The following H2BC21 variants were observed in gnomAD, a reference collection of about 807,000 sequenced individuals.
H2BC21 encodes the protein H2B clustered histone 21, also known as histone H2B type 2-E.
In H2BC21, 2 loss-of-function variants were observed where a neutral mutation model predicts 6.2. The observed-to-expected ratio is 0.32, with a 90% confidence interval of 0.13 to 1.02. The LOEUF is 1.02. H2BC21 is among the 50% of genes least tolerant of loss of function. The probability of loss-of-function intolerance (pLI) is 0.47; values close to 1 mark genes in which losing one functional copy is unlikely to be tolerated. For synonymous variants in H2BC21, 109 were observed against 75.2 expected, an observed-to-expected ratio of 1.45 and a Z score of -2.33; for missense variants, 98 against 172.2, an observed-to-expected ratio of 0.57 and a Z score of 2.41.
Position 149,886,660 on chromosome 1 carries a change from G to C in H2BC21, c.-20C>G. On this transcript the variant is annotated 5_prime_UTR_variant, in exon 1 of 1. Transcript: ENST00000369155. ...AGGCATGGTAAGACACAGTACAAAC[G>C]CGGCTTAGCCAAGAAAAGAAGTAAG... 6.2e-7 allele frequency: 1 copy of C among 1,600,054 alleles called. No individual in the cohort carries two copies. Among genetic ancestry groups the C allele is most frequent in the South Asian group, 1.1e-5 (1 of 89,240 alleles).
At position 149,886,403 on chromosome 1, in the gene H2BC21, G is replaced by A. The variant is rs1280953823; in HGVS notation, c.238C>T (p.Arg80Cys). The stretch of plus-strand genomic sequence containing the variant: ...GAGCGCTTGTTGTAGTGCGCCAGGC[G>A]GGAAGCCTCTCCCGCGATGCGCTCG... Reference protein sequence around the residue: ...IFERIAGEASRLAHYNKRSTI... With the variant: ...IFERIAGEASCLAHYNKRSTI... Residue 80 changes from arginine (R) to cysteine (C), a missense_variant, in exon 1 of 1, where the codon CGC becomes TGC. Transcript: ENST00000369155. 2 of 1,614,116 alleles carry A rather than the reference G, an allele frequency of 1.2e-6. No homozygotes were observed. Among genetic ancestry groups the A allele is most frequent in the African/African-American group, 2.7e-5 (2 of 74,952 alleles).
At position 149,886,678 on chromosome 1, in the gene H2BC21, G is replaced by C. The variant is rs370873522; in HGVS notation, c.-38C>G. The stretch of plus-strand genomic sequence containing the variant: ...TACAAACGCGGCTTAGCCAAGAAAA[G>C]AAGTAAGAGAATGGGCGGGCCTGAT... On this transcript the variant is annotated 5_prime_UTR_variant, in exon 1 of 1. Coordinates refer to ENST00000369155, the MANE Select transcript of H2BC21 (RefSeq NM_003528.3). 12 of 1,585,844 alleles carry C rather than the reference G, an allele frequency of 7.6e-6. No homozygotes were observed. The South Asian group carries it at 1.4e-4, about 18-fold the overall frequency.
In H2BC21 at chr1:149,886,649, A is replaced by T; in HGVS notation, c.-9T>A. 1 of 1,611,926 alleles carries T rather than the reference A, an allele frequency of 6.2e-7. No homozygotes were observed. Among genetic ancestry groups the T allele is most frequent in the Non-Finnish European group, 8.5e-7 (1 of 1,179,236 alleles). On this transcript the variant is annotated 5_prime_UTR_variant, in exon 1 of 1. Transcript: ENST00000369155. ...TTTGCCGGTTCAGGCATGGTAAGACACAGTACAAACGCGGCTTAGCCAAGA... is the reference window on the plus strand; with the variant it reads ...TTTGCCGGTTCAGGCATGGTAAGACTCAGTACAAACGCGGCTTAGCCAAGA...
Position 149,886,657 on chromosome 1 carries a change from A to T in H2BC21, c.-17T>A. The stretch of plus-strand genomic sequence containing the variant: ...TTCAGGCATGGTAAGACACAGTACA[A>T]ACGCGGCTTAGCCAAGAAAAGAAGT... On this transcript the variant is annotated 5_prime_UTR_variant, in exon 1 of 1. In the 5' UTR this introduces an upstream ATG that the reference lacks. Transcript: ENST00000369155. 4.4e-6 allele frequency: 7 copies of T among 1,601,996 alleles called. No homozygotes were observed. Among genetic ancestry groups the T allele is most frequent in the Non-Finnish European group, 6.0e-6 (7 of 1,175,278 alleles).
rs1553759795 is a variant in H2BC21 at position 149,886,666 on chromosome 1, T to G, written c.-26A>C. 2 of 1,594,764 alleles carry G rather than the reference T, an allele frequency of 1.3e-6. No individual in the cohort carries two copies. Among genetic ancestry groups the G allele is most frequent in the Middle Eastern group, 1.7e-4 (1 of 5,964 alleles). ...GGTAAGACACAGTACAAACGCGGCT[T>G]AGCCAAGAAAAGAAGTAAGAGAATG... On this transcript the variant is annotated 5_prime_UTR_variant, in exon 1 of 1. Transcript: ENST00000369155.
rs1553759732 is a variant in H2BC21, at chr1:149,886,453, A to G, written c.188T>C (p.Met63Thr). Residue 63 changes from methionine (M) to threonine (T), a missense_variant, in exon 1 of 1, where the codon ATG becomes ACG. Coordinates refer to ENST00000369155, the MANE Select transcript of H2BC21 (RefSeq NM_003528.3). The part of the protein sequence containing the change: ...TGISSKAMGI[M>T]NSFVNDIFER... ...GAAGATGTCGTTGACGAAGGAGTTC[A>G]TGATGCCCATGGCCTTGGACGAGAT... 1 of 1,614,144 alleles carries G rather than the reference A, an allele frequency of 6.2e-7. No homozygotes were observed. Among genetic ancestry groups the G allele is most frequent in the African/African-American group, 1.3e-5 (1 of 74,958 alleles).
At position 149,886,178 on chromosome 1, in the gene H2BC21, T is replaced by C. The variant is rs2092296902; in HGVS notation, c.*82A>G. On this transcript the variant is annotated 3_prime_UTR_variant, in exon 1 of 1. Coordinates refer to ENST00000369155, the MANE Select transcript of H2BC21 (RefSeq NM_003528.3). ...AAGTGAACAAGCTCTTTTCTAGTGA[T>C]TAGGTGGGTGGCTCTGAAAAGAGCC... The C allele has an allele frequency of 1.3e-6, 2 of 1,599,742 alleles. No individual in the cohort carries two copies. Among genetic ancestry groups the C allele is most frequent in the Admixed American group, 3.4e-5 (2 of 58,654 alleles).
In H2BC21 at chr1:149,886,195, A is replaced by G; in HGVS notation, c.*65T>C. 1 of 1,612,430 alleles carries G rather than the reference A, an allele frequency of 6.2e-7. No homozygotes were observed. Among genetic ancestry groups the G allele is most frequent in the Non-Finnish European group, 8.5e-7 (1 of 1,179,146 alleles). On this transcript the variant is annotated 3_prime_UTR_variant, in exon 1 of 1. Transcript: ENST00000369155. ...TCTAGTGATTAGGTGGGTGGCTCTG[A>G]AAAGAGCCTTTGGAGTCAAGCAGCC... is the stretch of plus-strand genomic sequence containing the variant.
Position 149,886,326 on chromosome 1 carries a change from G to GA in H2BC21, c.314_315insT (p.Glu106ArgfsTer52), listed in dbSNP as rs2092297897. ...CGGACACGGCGTGCTTGGCCAGCTC[G>GA]CCGGGCAGCAGCAGGCGCACGGCCG... On this transcript the variant is annotated frameshift_variant, in exon 1 of 1. Transcript: ENST00000369155. LOFTEE classifies it high-confidence loss of function. The GA allele has an allele frequency of 6.2e-7, 1 of 1,613,974 alleles. No individual in the cohort carries two copies. Among genetic ancestry groups the GA allele is most frequent in the Admixed American group, 1.7e-5 (1 of 59,998 alleles).
In H2BC21 at chr1:149,886,593, C is replaced by T; in HGVS notation, c.48G>A (p.Lys16=). ...KSAPAPKKGS[K]KAVTKAQKKD... is the part of the protein sequence containing the mutation. ...TCTTCTGGGCTTTGGTGACGGCTTT[C>T]TTGGAGCCCTTTTTAGGGGCCGGAG... Residue 16 remains lysine, a synonymous_variant, in exon 1 of 1, where the codon AAG becomes AAA. Coordinates refer to ENST00000369155, the MANE Select transcript of H2BC21 (RefSeq NM_003528.3). 1 of 1,614,150 alleles carries T rather than the reference C, an allele frequency of 6.2e-7. No individual in the cohort carries two copies. The highest frequency in any genetic ancestry group is 8.5e-7 in the Non-Finnish European group (1 of 1,180,028).
In H2BC21 at chr1:149,884,670, G is replaced by T. The variant is rs1297140375; in HGVS notation, c.*1590C>A. 6.6e-6 allele frequency: 1 copy of T among 152,070 alleles called. No individual in the cohort carries two copies. The highest frequency in any genetic ancestry group is 2.4e-5 in the African/African-American group (1 of 41,384). 9.4% of individuals were successfully genotyped at this position (152,070 alleles called of 1,614,324 possible). Reference sequence around the variant, plus strand: ...CAGTGTCTTCCTCGGCAGAATCAAGGGTTGGACAGAAAGAGTAAATATTCT... The same window carrying T: ...CAGTGTCTTCCTCGGCAGAATCAAGTGTTGGACAGAAAGAGTAAATATTCT... On this transcript the variant is annotated 3_prime_UTR_variant, in exon 1 of 1. Coordinates refer to ENST00000369155, the MANE Select transcript of H2BC21 (RefSeq NM_003528.3).
chr1:149,886,088 C>T lies in H2BC21; in HGVS notation c.*172G>A, dbSNP rs587740911. 2.6e-6 allele frequency: 3 copies of T among 1,139,068 alleles called. No homozygotes were observed. The highest frequency in any genetic ancestry group is 5.2e-5 in the East Asian group (2 of 38,788). The allele number at this position is 1,139,068 out of a possible 1,614,324, so 70.6% of individuals were successfully genotyped here. A position where few individuals can be genotyped will look rare whatever the true frequency, so the allele number is the denominator to read the frequency against. ...CGAGTTCCAAATAGTTAAAAAGCTA[C>T]GTATGCCATTTCCCATGACCTTCAC... On this transcript the variant is annotated 3_prime_UTR_variant, in exon 1 of 1. Transcript: ENST00000369155.
At position 149,886,656 on chromosome 1, in the gene H2BC21, A is replaced by C; in HGVS notation, c.-16T>G. The C allele has an allele frequency of 1.2e-6, 2 of 1,602,302 alleles. No homozygotes were observed. On this transcript the variant is annotated 5_prime_UTR_variant, in exon 1 of 1. Transcript: ENST00000369155. ...GTTCAGGCATGGTAAGACACAGTACAAACGCGGCTTAGCCAAGAAAAGAAG... is the reference window on the plus strand; with the variant it reads ...GTTCAGGCATGGTAAGACACAGTACCAACGCGGCTTAGCCAAGAAAAGAAG...
At position 149,886,467 on chromosome 1, in the gene H2BC21, C is replaced by T; in HGVS notation, c.174G>A (p.Lys58=). 3.1e-6 allele frequency: 5 copies of T among 1,614,268 alleles called. No individual in the cohort carries two copies. Among genetic ancestry groups the T allele is most frequent in the South Asian group, 2.2e-5 (2 of 91,092 alleles). The part of the protein sequence containing the change: ...QVHPDTGISS[K]AMGIMNSFVN... ...CGAAGGAGTTCATGATGCCCATGGCCTTGGACGAGATGCCGGTGTCGGGGT... is the reference window on the plus strand; with the variant it reads ...CGAAGGAGTTCATGATGCCCATGGCTTTGGACGAGATGCCGGTGTCGGGGT... Residue 58 remains lysine, a synonymous_variant, in exon 1 of 1, where the codon AAG becomes AAA. Coordinates refer to ENST00000369155, the MANE Select transcript of H2BC21 (RefSeq NM_003528.3).
chr1:149,885,993 G>A lies in H2BC21; in HGVS notation c.*267C>T. ...CTAATTGAGAACCGACTCCTGGGAA[G>A]GCTAAGCAGCACAATGAGTAAAGAC... On this transcript the variant is annotated 3_prime_UTR_variant, in exon 1 of 1. Transcript: ENST00000369155. 1.7e-6 allele frequency: 1 copy of A among 581,040 alleles called. No homozygotes were observed. The highest frequency in any genetic ancestry group is 2.9e-6 in the Non-Finnish European group (1 of 341,722). 36.0% of individuals were successfully genotyped at this position (581,040 alleles called of 1,614,324 possible). A position where few individuals can be genotyped will look rare whatever the true frequency, so the allele number is the denominator to read the frequency against.
Position 149,886,049 on chromosome 1 carries a change from C to T in H2BC21, c.*211G>A. The T allele has an allele frequency of 1.3e-6, 1 of 776,636 alleles. No individual in the cohort carries two copies. The highest frequency in any genetic ancestry group is 1.9e-5 in the South Asian group (1 of 53,140). The allele number at this position is 776,636 out of a possible 1,614,324, so 48.1% of individuals were successfully genotyped here. A position where few individuals can be genotyped will look rare whatever the true frequency, so the allele number is the denominator to read the frequency against. ...CTAGATTCAAAAGCAAATCCAATGA[C>T]GCACTGGGGACCTCGAGTTCCAAAT... On this transcript the variant is annotated 3_prime_UTR_variant, in exon 1 of 1. Transcript: ENST00000369155.
chr1:149,885,147 T>C lies in H2BC21; in HGVS notation c.*1113A>G, dbSNP rs1249243886. 2.0e-5 allele frequency: 3 copies of C among 152,644 alleles called. No individual in the cohort carries two copies. The highest frequency in any genetic ancestry group is 4.4e-5 in the Non-Finnish European group (3 of 68,052). 9.5% of individuals were successfully genotyped at this position (152,644 alleles called of 1,614,324 possible). On this transcript the variant is annotated 3_prime_UTR_variant, in exon 1 of 1. Coordinates refer to ENST00000369155, the MANE Select transcript of H2BC21 (RefSeq NM_003528.3). ...GAAGTAGCTCCAAGAACATTTCCAT[T>C]TTCACTGTGCCTTCACATACATCTA...
rs1317808762 is a variant in H2BC21, at chr1:149,886,545, G to C, written c.96C>G (p.Arg32=). The change falls in exon 1 of 1, where the codon CGC becomes CGG. Residue 32 remains arginine (R), a synonymous_variant. Transcript: ENST00000369155. ...AQKKDGKKRK[R]SRKESYSIYV... ...AGATGGAGTAGCTCTCTTTGCGGCT[G>C]CGCTTGCGCTTCTTGCCGTCTTTCT... The C allele has an allele frequency of 3.1e-6, 5 of 1,614,276 alleles. No individual in the cohort carries two copies. Among genetic ancestry groups the C allele is most frequent in the Non-Finnish European group, 4.2e-6 (5 of 1,180,056 alleles).
chr1:149,885,882 G>A lies in H2BC21; in HGVS notation c.*378C>T, dbSNP rs1178063186. On this transcript the variant is annotated 3_prime_UTR_variant, in exon 1 of 1. Coordinates refer to ENST00000369155, the MANE Select transcript of H2BC21 (RefSeq NM_003528.3). ...AATGACAGCCGAACTCAGCCACTTC[G>A]TTTTAGAATGAAACAGACCCAAGGA... 1.1e-4 allele frequency: 37 copies of A among 329,794 alleles called. No individual in the cohort carries two copies. Among genetic ancestry groups the A allele is most frequent in the South Asian group, 5.7e-4 (22 of 38,282 alleles). 20.4% of individuals were successfully genotyped at this position (329,794 alleles called of 1,614,324 possible).
Sources: allele counts gnomAD v4.1 joint callset, GRCh38; gene constraint gnomAD v4.1.1; transcripts MANE v1.5; gene names NCBI Gene and HGNC (gene_info 2026-07-23, HGNC 2026-07-21).